AFF2: variants seen among roughly 807,000 people sequenced by gnomAD.
The protein encoded by AFF2 is AF4/FMR2 family member 2.
In AFF2, 14 loss-of-function variants were observed where a neutral mutation model predicts 76.9. The observed-to-expected ratio is 0.18, with a 90% CI of 0.12 to 0.28. AFF2 has a LOEUF of 0.28. AFF2 is among the 10% of genes least tolerant of loss of function. The probability of loss-of-function intolerance (pLI) is 1.00; values close to 1 mark genes in which losing one functional copy is unlikely to be tolerated. For missense variants in AFF2, 868 were observed against 1,001.1 expected (o/e 0.87, Z 1.79); for synonymous variants, 398 against 366.7 (o/e 1.09, Z -0.98).
chrX:148,615,943 T>C (rs1220647968), intron 1 of AFF2, among the ~76,000 whole-genome samples: 1 of 111,867 alleles, frequency 8.9e-6, no homozygotes, highest in African/African-American at 3.2e-5. Context: ...AATATTTAGA[T>C]GAAGCCATAT....
At position 148,662,200 on chromosome X, in the gene AFF2, A is replaced by G. The variant is rs2054313308; in HGVS notation, c.473A>G (p.Glu158Gly). ...LIHSNRKSKP[E>G]WSRDSHNPST... The stretch of plus-strand genomic sequence containing the variant: ...CACAGCAACAGAAAATCAAAACCTG[A>G]GTGGTCACGTGATAGTCATAACCCT... Residue 158 changes from glutamate to glycine, a missense_variant, in exon 3 of 21, where the codon GAG becomes GGG. Transcript: ENST00000370460. 8.3e-7 allele frequency: 1 copy of G among 1,210,880 alleles called. No homozygotes were observed. Among genetic ancestry groups the G allele is most frequent in the Non-Finnish European group, 1.1e-6 (1 of 894,831 alleles).
chrX:148,695,430 G>T (rs782149969), intron 3 of AFF2, among the ~76,000 whole-genome samples: 3 of 111,967 alleles, frequency 2.7e-5, no homozygotes, highest in South Asian at 7.5e-4. Context: ...CCATCTGACA[G>T]CAAATAATCA....
intron 7 of AFF2, among the ~76,000 whole-genome samples, chrX:148,847,628 T>C (rs1557274880): frequency 8.9e-6 from 1 of 111,899 alleles, no homozygotes; most frequent in Non-Finnish European, 1.9e-5. Flanking sequence ...ATGGAAGGTC[T>C]TATGGAGACA....
At chrX:148,961,320 TG>T (rs2072105927) in intron 12 of AFF2, among the ~76,000 whole-genome samples, 1 of 112,343 alleles carries the variant, frequency 8.9e-6, no homozygotes, top group Non-Finnish European at 1.9e-5. Context: ...TAATGTGATC[TG>T]CTTGTTGTGG....
At chrX:148,761,348 A>C (rs1003831762) in intron 3 of AFF2, among the ~76,000 whole-genome samples, 2 of 110,922 alleles carry the variant, frequency 1.8e-5, no homozygotes, top group South Asian at 3.8e-4. Flanking sequence ...TTGGGGGGAA[A>C]AGTCACTGTA....
rs552533923 is a variant in AFF2, at chrX:148,875,095, T to C, written c.1263-10794T>C. On this transcript the variant is annotated intron_variant, in intron 7 of 20. Transcript: ENST00000370460. Reference sequence around the variant, plus strand: ...CCTCTGTATTAGAGCCAGTGCAGGATTGGCTCTGCAGCCAAGTGCATCAAC... The same window carrying C: ...CCTCTGTATTAGAGCCAGTGCAGGACTGGCTCTGCAGCCAAGTGCATCAAC... Among the ~76,000 whole-genome samples, 5 of 112,033 alleles carry C rather than the reference T, an allele frequency of 4.5e-5. No homozygotes were observed. The South Asian group carries it at 1.5e-3, about 34-fold the overall frequency.
intron 3 of AFF2, among the ~76,000 whole-genome samples, chrX:148,735,957 T>A (rs782571590): frequency 1.8e-5 from 2 of 112,428 alleles, no homozygotes; most frequent in East Asian, 5.6e-4. Flanking sequence ...TCATTCCTTT[T>A]TATGGCTGCA....
At chrX:148,572,608 T>C (rs5936404) in intron 1 of AFF2, among the ~76,000 whole-genome samples, 33,610 of 110,444 alleles carry the variant, frequency 0.3, 3,904 homozygotes, top group African/African-American at 0.36. Context: ...TGTGTCACAA[T>C]TTGCACTACA....
chrX:148,987,643 C>G, intron 20 of AFF2, 86 bp downstream of exon 20: 4 of 838,984 alleles, frequency 4.8e-6, no homozygotes, highest in Non-Finnish European at 6.8e-6. Context: ...ACTTGGTGGC[C>G]TTATATCTTT....
Position 148,769,894 on chromosome X carries a change from A to G in AFF2, c.1042-39982A>G, listed in dbSNP as rs138386849. On this transcript the variant is annotated intron_variant, in intron 3 of 20. Transcript: ENST00000370460. ...TTTGCAAACCAATAAAAATGGTTCC[A>G]TAGCATTCTGATCTCTGCTGCTGGG... 1.2e-3 allele frequency among the ~76,000 whole-genome samples: 131 copies of G among 111,675 alleles called. 2 individuals carry two copies. The East Asian group carries it at 0.029, about 25-fold the overall frequency.
chrX:148,564,468 GAAAA>G (rs5904241), intron 1 of AFF2, among the ~76,000 whole-genome samples: 1 of 85,549 alleles, frequency 1.2e-5, no homozygotes. Flanking sequence ...CTCTTGATTT[GAAAA>G]AAAAAAAAAA....
intron 9 of AFF2, among the ~76,000 whole-genome samples, chrX:148,910,363 T>C (rs781794456): frequency 8.9e-6 from 1 of 112,618 alleles, no homozygotes; most frequent in Admixed American, 9.4e-5. Flanking sequence ...GGAACTGTGA[T>C]AGGTGCTGAG....
intron 4 of AFF2, among the ~76,000 whole-genome samples, chrX:148,816,463 G>A (rs1356758148): frequency 9.0e-6 from 1 of 111,642 alleles, no homozygotes; most frequent in African/African-American, 3.2e-5. Flanking sequence ...AAACAGGGAA[G>A]AAGCCAATAA....
At chrX:148,959,245 C>G (rs1306051930) in intron 12 of AFF2, among the ~76,000 whole-genome samples, 3 of 111,805 alleles carry the variant, frequency 2.7e-5, no homozygotes, top group Non-Finnish European at 5.6e-5. Flanking sequence ...GCATTGTGAC[C>G]AAGTTATTTC....
chrX:148,781,993 G>A (rs1557269120), intron 3 of AFF2, among the ~76,000 whole-genome samples: 2 of 110,815 alleles, frequency 1.8e-5, no homozygotes, highest in Non-Finnish European at 3.8e-5. Flanking sequence ...TCCTGCTTCT[G>A]CTCGCCATCC....
At chrX:148,781,886 A>T (rs57717106) in intron 3 of AFF2, among the ~76,000 whole-genome samples, 1 of 111,299 alleles carries the variant, frequency 9.0e-6, no homozygotes, top group Non-Finnish European at 1.9e-5. Flanking sequence ...GGAAAAGCAT[A>T]GTATCTGGGC....
At chrX:148,679,015 T>C (rs2054517339) in intron 3 of AFF2, among the ~76,000 whole-genome samples, 1 of 110,504 alleles carries the variant, frequency 9.0e-6, no homozygotes, top group African/African-American at 3.3e-5. Context: ...TTAAAGTTTT[T>C]CATATATTAC....
intron 1 of AFF2, among the ~76,000 whole-genome samples, chrX:148,644,402 C>T (rs2054122461): frequency 9.0e-6 from 1 of 111,440 alleles, no homozygotes; most frequent in African/African-American, 3.3e-5. Context: ...GCATGTTAAC[C>T]TCCCTGTGTC....
Position 148,500,637 on chromosome X carries a change from T to TGCCGCCGCCGCCGCCGCCGCCGCCGCC in AFF2, c.-440_-414dup, listed in dbSNP as rs193922937. On this transcript the variant is annotated 5_prime_UTR_variant, in exon 1 of 21. Coordinates refer to ENST00000370460, the MANE Select transcript of AFF2 (RefSeq NM_002025.4). ...CCGCCGCCGCCGCCTGTGCAGCCGC[T>TGCCGCCGCCGCCGCCGCCGCCGCCGCC]GCCGCCGCCGCCGCCGCCGCCGCCG... 0.013 allele frequency: 938 copies of TGCCGCCGCCGCCGCCGCCGCCGCCGCC among 73,718 alleles called. 48 individuals carry two copies. The highest frequency in any genetic ancestry group is 0.017 in the Non-Finnish European group (634 of 38,062). The allele number at this position is 73,718 out of a possible 1,213,427, so 6.1% of individuals were successfully genotyped here. A position where few individuals can be genotyped will look rare whatever the true frequency, so the allele number is the denominator to read the frequency against.
Sources: gnomAD v4.1 joint callset for allele counts (sites outside exome capture counted in the v4.1 genomes callset) on GRCh38, gnomAD v4.1.1 for gene constraint, MANE v1.5 for transcripts, NCBI Gene and HGNC (gene_info 2026-07-23, HGNC 2026-07-21) for gene names.